The following DLGAP2 variants were observed in gnomAD, a reference collection of about 807,000 sequenced individuals.
DLGAP2 encodes the protein disks large-associated protein 2.
In DLGAP2, 26 loss-of-function variants were observed where a neutral mutation model predicts 100.3. That is an observed-to-expected ratio of 0.26 (90% CI 0.19 to 0.36). The LOEUF (loss-of-function observed/expected upper bound fraction) is 0.36, where lower values mean the gene tolerates loss of function less well. DLGAP2 is among the 10% of genes least tolerant of loss of function. The pLI, the probability that DLGAP2 is intolerant of heterozygous loss-of-function variation, is 1.00. For missense variants in DLGAP2, 1,858 were observed against 1,453.2 expected (o/e 1.28, Z -4.53); for synonymous variants, 886 against 630.1 (o/e 1.41, Z -6.08).
At chr8:876,057 T>C (rs1797683021) in intron 1 of DLGAP2, among the ~76,000 whole-genome samples, 1 of 152,212 alleles carries the variant, frequency 6.6e-6, no homozygotes. Flanking sequence ...CCACTAACCC[T>C]CTTCGTGCTG....
chr8:1,264,217 C>G (rs1307790987), intron 3 of DLGAP2, among the ~76,000 whole-genome samples: 1 of 152,110 alleles, frequency 6.6e-6, no homozygotes, highest in Non-Finnish European at 1.5e-5. Context: ...GAATTCCAAC[C>G]AGGGGATCAG....
At chr8:1,511,819 T>G (rs1241108238) in intron 4 of DLGAP2, among the ~76,000 whole-genome samples, 1 of 128,584 alleles carries the variant, frequency 7.8e-6, no homozygotes, top group Non-Finnish European at 1.8e-5. Flanking sequence ...ACGTAAGGGC[T>G]GTCTAGTGTA....
chr8:1,423,080 A>G (rs1252373381), intron 3 of DLGAP2, among the ~76,000 whole-genome samples: 1 of 152,250 alleles, frequency 6.6e-6, no homozygotes, highest in Admixed American at 6.5e-5. Flanking sequence ...GACTGCCACA[A>G]CAGTGTAGAC....
At chr8:1,313,419 T>G (rs1203658068) in intron 3 of DLGAP2, among the ~76,000 whole-genome samples, 1 of 152,216 alleles carries the variant, frequency 6.6e-6, no homozygotes, top group Non-Finnish European at 1.5e-5. Context: ...TCTGCACATG[T>G]GCCGTTCAGC....
At chr8:841,155 G>T (rs1416322074) in intron 1 of DLGAP2, among the ~76,000 whole-genome samples, 1 of 152,142 alleles carries the variant, frequency 6.6e-6, no homozygotes, top group Non-Finnish European at 1.5e-5. Context: ...TATGGAAAAG[G>T]CAAGATAAAT....
chr8:1,073,899 C>T (rs766315593), intron 2 of DLGAP2, among the ~76,000 whole-genome samples: 56 of 152,236 alleles, frequency 3.7e-4, no homozygotes, highest in Non-Finnish European at 1.5e-4. Flanking sequence ...AGACTGAACT[C>T]ACCCGGCTGC....
rs150891809 is a variant in DLGAP2, at chr8:1,601,612, G to A, written c.1443-25128G>A. ...AGGCTTTTTACAGACAGATCAGACC[G>A]AGTCCCTGAAAACTCCGTGACAGAT... is the stretch of plus-strand genomic sequence containing the variant. On this transcript the variant is annotated intron_variant, in intron 6 of 14. Transcript: ENST00000637795. Among the ~76,000 whole-genome samples the A allele has an allele frequency of 4.5e-3, 686 of 152,072 alleles. 3 individuals are homozygous for A. The highest frequency in any genetic ancestry group is 0.016 in the African/African-American group (651 of 41,490).
At chr8:1,161,813 A>T (rs191030843) in intron 2 of DLGAP2, among the ~76,000 whole-genome samples, 1 of 143,174 alleles carries the variant, frequency 7.0e-6, no homozygotes, top group Non-Finnish European at 1.6e-5. Context: ...GGGGATAGAC[A>T]GAGGCCACAT....
intron 3 of DLGAP2, among the ~76,000 whole-genome samples, chr8:1,345,959 C>T (rs1366605235): frequency 6.6e-6 from 1 of 152,216 alleles, no homozygotes; most frequent in Non-Finnish European, 1.5e-5. Context: ...CTTCCGAGCC[C>T]TTGAGCTGCC....
chr8:1,472,354 G>C (rs995538087), intron 3 of DLGAP2, among the ~76,000 whole-genome samples: 2 of 152,334 alleles, frequency 1.3e-5, no homozygotes, highest in Non-Finnish European at 2.9e-5. Context: ...GGCCCTTCTG[G>C]TAAATCCCAA....
intron 3 of DLGAP2, among the ~76,000 whole-genome samples, chr8:1,470,775 A>ACCCCCCCAGGCTTTCCCGACCC (rs1563168449): frequency 2.6e-5 from 2 of 76,046 alleles, no homozygotes; most frequent in Non-Finnish European, 6.4e-5. Context: ...GCCTTTCCCG[A>ACCCCCCCAGGCTTTCCCGACCC]CTCCCCCAGC....
intron 2 of DLGAP2, among the ~76,000 whole-genome samples, chr8:1,242,941 AGATG>A (rs996199138): frequency 2.8e-4 from 3 of 10,832 alleles, no homozygotes; most frequent in African/African-American, 8.8e-4. Flanking sequence ...ATGGATTGAT[AGATG>A]GATGGATGGA....
intron 2 of DLGAP2, among the ~76,000 whole-genome samples, chr8:1,207,416 T>G (rs991916540): frequency 2.0e-5 from 3 of 152,214 alleles, no homozygotes; most frequent in African/African-American, 7.2e-5. Flanking sequence ...ATTTTGTTCC[T>G]TTTTTTGGCT....
At chr8:1,288,122 G>C (rs1391547749) in intron 3 of DLGAP2, among the ~76,000 whole-genome samples, 4 of 142,996 alleles carry the variant, frequency 2.8e-5, no homozygotes, top group Non-Finnish European at 4.5e-5. Flanking sequence ...TGTTAGGAGG[G>C]GAACTAGTTT....
intron 2 of DLGAP2, among the ~76,000 whole-genome samples, chr8:967,847 T>TTC (rs1799916207): frequency 1.3e-5 from 1 of 75,116 alleles, no homozygotes; most frequent in Non-Finnish European, 2.5e-5. Context: ...TATATATATA[T>TTC]ATATATATAT....
At chr8:1,688,494 G>A (rs1327389320) in intron 12 of DLGAP2, 1 of 152,138 alleles carries the variant, frequency 6.6e-6, no homozygotes, top group African/African-American at 2.4e-5. Flanking sequence ...TGTCACCTTC[G>A]TGGGGGTGAC....
At chr8:970,448 G>A (rs1343832481) in intron 2 of DLGAP2, among the ~76,000 whole-genome samples, 1 of 152,148 alleles carries the variant, frequency 6.6e-6, no homozygotes, top group African/African-American at 2.4e-5. Flanking sequence ...CAGTGCTTAA[G>A]GACAAATGGC....
intron 2 of DLGAP2, among the ~76,000 whole-genome samples, chr8:997,830 A>C (rs9650538): frequency 0.096 from 14,580 of 152,232 alleles, 941 homozygotes; most frequent in Middle Eastern, 0.23. Context: ...ACATACAAAC[A>C]CGCATACACG....
At chr8:1,559,694 A>G (rs375791133) in intron 5 of DLGAP2, among the ~76,000 whole-genome samples, 38 of 152,320 alleles carry the variant, frequency 2.5e-4, no homozygotes, top group African/African-American at 8.7e-4. Context: ...GCCAAAGTGA[A>G]TCTCTTCTTT....
Sources: gnomAD v4.1 joint callset for allele counts (sites outside exome capture counted in the v4.1 genomes callset) on GRCh38, gnomAD v4.1.1 for gene constraint, MANE v1.5 for transcripts, NCBI Gene and HGNC (gene_info 2026-07-23, HGNC 2026-07-21) for gene names.